The following ADAMTS18 variants were observed in gnomAD, a reference collection of about 807,000 sequenced individuals.
The protein encoded by ADAMTS18 is A disintegrin and metalloproteinase with thrombospondin motifs 18.
In ADAMTS18, 157 loss-of-function variants were observed where a neutral mutation model predicts 165.9. The ratio of observed to expected loss-of-function variants is 0.95; its 90% confidence interval spans 0.83 to 1.08. The LOEUF (loss-of-function observed/expected upper bound fraction) is 1.08. Ranked by LOEUF, ADAMTS18 falls within the 50% of genes least tolerant of loss-of-function variation. The pLI is 0.00. For synonymous variants in ADAMTS18, 782 were observed against 578.2 expected, an observed-to-expected ratio of 1.35 and a Z score of -5.06; for missense variants, 2,040 against 1,534.0, an observed-to-expected ratio of 1.33 and a Z score of -5.51.
chr16:77,314,953 G>A (rs1487387849), intron 16 of ADAMTS18, among the ~76,000 whole-genome samples: 1 of 150,330 alleles, frequency 6.7e-6, no homozygotes, highest in Admixed American at 6.7e-5. Flanking sequence ...AAGTGACACA[G>A]AGATTAAGAA....
chr16:77,347,528 A>G (rs72487959), intron 10 of ADAMTS18, among the ~76,000 whole-genome samples: 13,299 of 152,070 alleles, frequency 0.087, 778 homozygotes, highest in East Asian at 0.25. Context: ...GCCCCATTAT[A>G]ATTTCTTTTA....
chr16:77,388,576 A>C (rs2057141931), intron 3 of ADAMTS18, among the ~76,000 whole-genome samples: 1 of 152,198 alleles, frequency 6.6e-6, no homozygotes. Context: ...CAGTTTATTG[A>C]ACACAGAATG....
intron 3 of ADAMTS18, among the ~76,000 whole-genome samples, chr16:77,378,688 C>A (rs2144766049): frequency 6.6e-6 from 1 of 152,038 alleles, no homozygotes; most frequent in Non-Finnish European, 1.5e-5. Flanking sequence ...GCACTCCAAC[C>A]TGGGTGACAG....
chr16:77,394,483 G>A (rs2057231171), intron 3 of ADAMTS18, among the ~76,000 whole-genome samples: 1 of 152,052 alleles, frequency 6.6e-6, no homozygotes, highest in Admixed American at 6.6e-5. Context: ...TAGTGTTAAT[G>A]GAGAAGAAAG....
Position 77,291,259 on chromosome 16 carries a change from T to C in ADAMTS18, c.3402+7A>G. 1 of 1,613,794 alleles carries C rather than the reference T, an allele frequency of 6.2e-7. No individual in the cohort carries two copies. Among genetic ancestry groups the C allele is most frequent in the Non-Finnish European group, 8.5e-7 (1 of 1,179,978 alleles). ...AATAGACACCTCCTCAATCGGCCTG[T>C]ACCCACCTGCTGCCACGGCAATGAA... On this transcript the variant is annotated splice_region_variant and intron_variant, in intron 21 of 22. Coordinates refer to ENST00000282849, the MANE Select transcript of ADAMTS18 (RefSeq NM_199355.4).
At chr16:77,340,421 C>T (rs190257967) in intron 11 of ADAMTS18, among the ~76,000 whole-genome samples, 1 of 152,264 alleles carries the variant, frequency 6.6e-6, no homozygotes, top group East Asian at 1.9e-4. Flanking sequence ...GGGATCCACC[C>T]ACCTTGGCCT....
chr16:77,356,857 T>C (rs1396255981), intron 8 of ADAMTS18, among the ~76,000 whole-genome samples: 1 of 152,086 alleles, frequency 6.6e-6, no homozygotes, highest in Non-Finnish European at 1.5e-5. Context: ...TTAATGTGCA[T>C]ACCCACATAG....
At position 77,283,824 on chromosome 16, in the gene ADAMTS18, G is replaced by T; in HGVS notation, c.*132C>A. The T allele has an allele frequency of 1.4e-6, 1 of 724,068 alleles. No homozygotes were observed. The highest frequency in any genetic ancestry group is 2.5e-6 in the Non-Finnish European group (1 of 406,322). 44.9% of individuals were successfully genotyped at this position (724,068 alleles called of 1,614,324 possible). ...ACTGGCAACCTGTCTGTTCCTCAGA[G>T]CAGGCTCCTTCATCACAGCGGCAGC... On this transcript the variant is annotated 3_prime_UTR_variant, in exon 23 of 23. Coordinates refer to ENST00000282849, the MANE Select transcript of ADAMTS18 (RefSeq NM_199355.4).
intron 16 of ADAMTS18, among the ~76,000 whole-genome samples, chr16:77,313,729 TG>T (rs1485504872): frequency 6.6e-6 from 1 of 152,190 alleles, no homozygotes; most frequent in Non-Finnish European, 1.5e-5. Flanking sequence ...GAACTTGGTT[TG>T]TGTACATTTG....
intron 18 of ADAMTS18, among the ~76,000 whole-genome samples, chr16:77,296,018 G>GTATA (rs142651891): frequency 8.6e-5 from 13 of 150,386 alleles, no homozygotes; most frequent in East Asian, 7.9e-4. Context: ...GTGTGTGTGT[G>GTATA]TATATATATA....
intron 13 of ADAMTS18, among the ~76,000 whole-genome samples, chr16:77,325,374 C>A (rs184513128): frequency 6.6e-6 from 1 of 152,086 alleles, no homozygotes; most frequent in East Asian, 1.9e-4. Flanking sequence ...TAGTAAGTAC[C>A]AAGAACCTAG....
At chr16:77,330,076 T>A (rs1262768706) in intron 12 of ADAMTS18, among the ~76,000 whole-genome samples, 1 of 152,118 alleles carries the variant, frequency 6.6e-6, no homozygotes, top group Non-Finnish European at 1.5e-5. Context: ...TATGGAAGAT[T>A]CAGAAATCAG....
At chr16:77,292,656 C>T (rs1379914074) in intron 20 of ADAMTS18, among the ~76,000 whole-genome samples, 1 of 152,200 alleles carries the variant, frequency 6.6e-6, no homozygotes, top group Non-Finnish European at 1.5e-5. Context: ...CCCCTACTGC[C>T]CAGACATAGG....
intron 16 of ADAMTS18, among the ~76,000 whole-genome samples, chr16:77,317,834 C>T (rs894085993): frequency 5.3e-5 from 8 of 152,108 alleles, no homozygotes; most frequent in African/African-American, 1.9e-4. Flanking sequence ...AAGAATTATC[C>T]AGGCCCGCTG....
intron 10 of ADAMTS18, among the ~76,000 whole-genome samples, chr16:77,351,078 G>A (rs552952170): frequency 1.3e-5 from 2 of 152,276 alleles, no homozygotes; most frequent in South Asian, 2.1e-4. Flanking sequence ...AGATTTTGTT[G>A]CTTTGGAAAT....
chr16:77,398,478 G>GA (rs1240455509), intron 3 of ADAMTS18, among the ~76,000 whole-genome samples: 2 of 152,164 alleles, frequency 1.3e-5, no homozygotes, highest in Non-Finnish European at 2.9e-5. Flanking sequence ...AGACACTTCA[G>GA]AAAAGTCAGA....
At position 77,295,238 on chromosome 16, in the gene ADAMTS18, A is replaced by C. The variant is rs564443370; in HGVS notation, c.2802-111T>G. 3 of 1,076,804 alleles carry C rather than the reference A, an allele frequency of 2.8e-6. No individual in the cohort carries two copies. In the East Asian group the frequency reaches 7.6e-5, roughly 27 times the overall value. The allele number at this position is 1,076,804 out of a possible 1,614,324, so 66.7% of individuals were successfully genotyped here. A position where few individuals can be genotyped will look rare whatever the true frequency, so the allele number is the denominator to read the frequency against. On this transcript the variant is annotated intron_variant, in intron 18 of 22. Transcript: ENST00000282849. ...ATGGAAGCCATGAATCAATTTCAGAACCAATAAGATAAGTTATTCTAATTG... is the reference window on the plus strand; with the variant it reads ...ATGGAAGCCATGAATCAATTTCAGACCCAATAAGATAAGTTATTCTAATTG...
At chr16:77,397,828 A>G in intron 3 of ADAMTS18, among the ~76,000 whole-genome samples, 1 of 152,178 alleles carries the variant, frequency 6.6e-6, no homozygotes, top group East Asian at 1.9e-4. Context: ...TTGATCCTGA[A>G]AAACTGAAGA....
At chr16:77,406,271 G>C (rs1178161017) in intron 3 of ADAMTS18, among the ~76,000 whole-genome samples, 1 of 152,094 alleles carries the variant, frequency 6.6e-6, no homozygotes, top group Non-Finnish European at 1.5e-5. Context: ...GGTCAAAATA[G>C]ATGCTGAAAA....
Sources: gnomAD v4.1 joint callset for allele counts (sites outside exome capture counted in the v4.1 genomes callset) on GRCh38, gnomAD v4.1.1 for gene constraint, MANE v1.5 for transcripts, NCBI Gene and HGNC (gene_info 2026-07-23, HGNC 2026-07-21) for gene names.